ATXN2: variants seen among roughly 807,000 people sequenced by gnomAD.
ATXN2 encodes ataxin-2.
ATXN2 carries 37 observed loss-of-function variants against 138.6 expected under a neutral mutation model. The observed-to-expected ratio is 0.27, with a 90% CI of 0.21 to 0.35. The LOEUF (loss-of-function observed/expected upper bound fraction) is 0.35. Among genes scored for constraint, ATXN2 ranks in the 10% least tolerant of loss-of-function variants. The pLI is 1.00. For synonymous variants in ATXN2, 549 were observed against 543.7 expected (o/e 1.01, Z -0.13); for missense variants, 1,216 against 1,480.3 (o/e 0.82, Z 2.93).
In ATXN2 at chr12:111,513,675, A is replaced by G. The variant is rs1245158898; in HGVS notation, c.1376-136T>C. 5 of 698,708 alleles carry G rather than the reference A, an allele frequency of 7.2e-6. No individual in the cohort carries two copies. In the African/African-American group the frequency reaches 9.3e-5, roughly 13 times the overall value. 43.3% of individuals were successfully genotyped at this position (698,708 alleles called of 1,614,324 possible). ...AGTTTTTCCTTGGTTAAAAATAGAA[A>G]AAAAAAAAACACCATACATATTTTT... On this transcript the variant is annotated intron_variant, in intron 10 of 24. Coordinates refer to ENST00000673436, the MANE Select transcript of ATXN2 (RefSeq NM_001372574.1).
Position 111,589,021 on chromosome 12 carries a change from A to AAAACT in ATXN2, c.251+9758_251+9762dup, listed in dbSNP as rs1381201634. Among the ~76,000 whole-genome samples, 32 of 148,162 alleles carry AAAACT rather than the reference A, an allele frequency of 2.2e-4. 1 individual carries two copies. The highest frequency in any genetic ancestry group is 3.4e-4 in the Non-Finnish European group (23 of 67,176). ...AAAAAAAAAAAAAAAAAAAAAAAAA[A>AAAACT]AAACTAAACCAAACTGGTCACGGTG... is the stretch of plus-strand genomic sequence containing the variant. On this transcript the variant is annotated intron_variant, in intron 1 of 24. Transcript: ENST00000673436.
chr12:111,542,699 T>G (rs577915421), intron 5 of ATXN2, among the ~76,000 whole-genome samples: 141 of 151,996 alleles, frequency 9.3e-4, no homozygotes, highest in African/African-American at 3.3e-3. Flanking sequence ...ACTCCTGAAC[T>G]CATCCTCCCG....
intron 1 of ATXN2, among the ~76,000 whole-genome samples, chr12:111,592,804 A>AAAAAAAAAAAAAAAAAG: frequency 6.8e-6 from 1 of 147,622 alleles, no homozygotes; most frequent in Admixed American, 6.8e-5. Context: ...AAAAAAAAAA[A>AAAAAAAAAAAAAAAAAG]GATAATAGGT....
chr12:111,589,567 T>A (rs1366649225), intron 1 of ATXN2, among the ~76,000 whole-genome samples: 1 of 151,552 alleles, frequency 6.6e-6, no homozygotes, highest in Non-Finnish European at 1.5e-5. Context: ...AGGTCGGGAG[T>A]TCGAGACCAG....
intron 5 of ATXN2, among the ~76,000 whole-genome samples, chr12:111,525,835 C>T (rs780850907): frequency 6.6e-6 from 1 of 151,780 alleles, no homozygotes; most frequent in Non-Finnish European, 1.5e-5. Flanking sequence ...CAGGTGTGTA[C>T]CACCACGCCC....
At chr12:111,465,599 G>A (rs913319860) in intron 20 of ATXN2, among the ~76,000 whole-genome samples, 10 of 151,346 alleles carry the variant, frequency 6.6e-5, no homozygotes, top group African/African-American at 1.9e-4. Flanking sequence ...GTGAAACCCC[G>A]TCTCTACTAA....
intron 14 of ATXN2, among the ~76,000 whole-genome samples, chr12:111,489,601 G>T (rs1372660490): frequency 1.4e-5 from 2 of 146,142 alleles, no homozygotes; most frequent in African/African-American, 5.3e-5. Flanking sequence ...GACAGAGCGA[G>T]ACTCCGTCTC....
chr12:111,454,636 G>A (rs924452127), intron 23 of ATXN2: 48 of 163,854 alleles, frequency 2.9e-4, no homozygotes, highest in Admixed American at 2.9e-3. Flanking sequence ...GCAGGGCCAG[G>A]AAGAGCCCTT....
At chr12:111,580,058 C>T (rs1432795017) in intron 1 of ATXN2, among the ~76,000 whole-genome samples, 1 of 152,152 alleles carries the variant, frequency 6.6e-6, no homozygotes, top group Non-Finnish European at 1.5e-5. Flanking sequence ...CAGCGATCCT[C>T]CCACCTCAGC....
intron 20 of ATXN2, chr12:111,468,723 T>C (rs1009708287): frequency 1.8e-5 from 2 of 110,050 alleles, no homozygotes; most frequent in Non-Finnish European, 3.6e-5. Flanking sequence ...TTTTTGGAGA[T>C]GGAGTCTCAC....
chr12:111,489,726 A>G (rs916089123), intron 14 of ATXN2, among the ~76,000 whole-genome samples: 10 of 152,112 alleles, frequency 6.6e-5, no homozygotes, highest in Admixed American at 2.0e-4. Context: ...GTTCAAGACC[A>G]GCCTGGGCAA....
intron 3 of ATXN2, 45 bp downstream of exon 3, chr12:111,554,113 A>T: frequency 7.9e-7 from 1 of 1,269,170 alleles, no homozygotes; most frequent in Non-Finnish European, 1.1e-6. Context: ...GAATTACTTT[A>T]TTCTACCCCC....
Position 111,512,309 on chromosome 12 carries a change from G to T in ATXN2, c.1558+1048C>A, listed in dbSNP as rs187934625. Among the ~76,000 whole-genome samples the T allele has an allele frequency of 2.0e-3, 306 of 151,808 alleles. 1 individual carries two copies. Among genetic ancestry groups the T allele is most frequent in the Non-Finnish European group, 1.8e-3 (122 of 67,880 alleles). Reference sequence around the variant, plus strand: ...TTAAAAGAGAAAAAGTGTTTTTTTTGTTTGTTTGTTTGTTTGTTTTAAGTA... The same window carrying T: ...TTAAAAGAGAAAAAGTGTTTTTTTTTTTTGTTTGTTTGTTTGTTTTAAGTA... On this transcript the variant is annotated intron_variant, in intron 11 of 24. Coordinates refer to ENST00000673436, the MANE Select transcript of ATXN2 (RefSeq NM_001372574.1).
At position 111,582,509 on chromosome 12, in the gene ATXN2, G is replaced by T. The variant is rs187865673; in HGVS notation, c.251+16275C>A. Among the ~76,000 whole-genome samples the T allele has an allele frequency of 5.8e-3, 877 of 152,122 alleles. 11 individuals are homozygous for T. The highest frequency in any genetic ancestry group is 0.02 in the African/African-American group (825 of 41,512). On this transcript the variant is annotated intron_variant, in intron 1 of 24. Coordinates refer to ENST00000673436, the MANE Select transcript of ATXN2 (RefSeq NM_001372574.1). ...TGTGGTCCCAGCTACTCAGGAGGCT[G>T]AGGTGGGAGGATCACTTGAACCCAG...
At chr12:111,560,744 A>G (rs554077291) in intron 1 of ATXN2, among the ~76,000 whole-genome samples, 1 of 147,058 alleles carries the variant, frequency 6.8e-6, no homozygotes, top group Non-Finnish European at 1.5e-5. Context: ...TAAAATGTCC[A>G]GTTTTCAACA....
At chr12:111,548,134 A>C (rs1269130132) in intron 5 of ATXN2, among the ~76,000 whole-genome samples, 1 of 152,132 alleles carries the variant, frequency 6.6e-6, no homozygotes. Context: ...TGGAGGTTGC[A>C]GTGCGCCAAG....
In ATXN2 at chr12:111,509,742, A is replaced by G. The variant is rs9988928; in HGVS notation, c.1865-123T>C. The G allele has an allele frequency of 4.4e-3, 4,170 of 945,634 alleles. 115 individuals carry two copies. In the African/African-American group the frequency reaches 0.058, roughly 13 times the overall value. The allele number at this position is 945,634 out of a possible 1,614,324, so 58.6% of individuals were successfully genotyped here. On this transcript the variant is annotated intron_variant, in intron 13 of 24. Coordinates refer to ENST00000673436, the MANE Select transcript of ATXN2 (RefSeq NM_001372574.1). ...GATCAGAAAATAATTTCAAATATTAAATTTGGATTTTGGAATTTGTCAAGC... is the reference window on the plus strand; with the variant it reads ...GATCAGAAAATAATTTCAAATATTAGATTTGGATTTTGGAATTTGTCAAGC...
chr12:111,542,977 G>A (rs1469816513), intron 5 of ATXN2, among the ~76,000 whole-genome samples: 2 of 152,106 alleles, frequency 1.3e-5, no homozygotes, highest in African/African-American at 2.4e-5. Context: ...TATAAAACAT[G>A]TAACTTTAAT....
At chr12:111,577,444 T>G (rs1883735222) in intron 1 of ATXN2, among the ~76,000 whole-genome samples, 1 of 151,436 alleles carries the variant, frequency 6.6e-6, no homozygotes, top group Non-Finnish European at 1.5e-5. Context: ...TTTTAGTATT[T>G]TTAGTAGAGA....
Sources: gnomAD v4.1 joint callset for allele counts (sites outside exome capture counted in the v4.1 genomes callset) on GRCh38, gnomAD v4.1.1 for gene constraint, MANE v1.5 for transcripts, NCBI Gene and HGNC (gene_info 2026-07-23, HGNC 2026-07-21) for gene names.